Variants in HS6ST3 observed in about 807,000 individuals in gnomAD.
The protein encoded by HS6ST3 is heparan sulfate 6-O-sulfotransferase 3.
Under a neutral mutation model 36.7 loss-of-function variants are expected in HS6ST3, and 12 were observed. The ratio of observed to expected loss-of-function variants is 0.33; its 90% confidence interval spans 0.21 to 0.53. The LOEUF is 0.53. Ranked by LOEUF, HS6ST3 falls within the 20% of genes least tolerant of loss-of-function variation. The pLI, the probability that HS6ST3 is intolerant of heterozygous loss-of-function variation, is 0.95. For missense variants in HS6ST3, 584 were observed against 640.9 expected (o/e 0.91, Z 0.96); for synonymous variants, 240 against 257.5 (o/e 0.93, Z 0.65).
intron 1 of HS6ST3, among the ~76,000 whole-genome samples, chr13:96,344,832 A>C (rs931692885): frequency 8.5e-5 from 13 of 152,212 alleles, no homozygotes; most frequent in Non-Finnish European, 1.6e-4. Context: ...GAGGTATTAT[A>C]CGAATGCCTG....
At chr13:96,206,225 G>T (rs2054369697) in intron 1 of HS6ST3, among the ~76,000 whole-genome samples, 1 of 152,068 alleles carries the variant, frequency 6.6e-6, no homozygotes, top group Non-Finnish European at 1.5e-5. Flanking sequence ...ACCATGAAGA[G>T]AATAAAATAT....
intron 1 of HS6ST3, among the ~76,000 whole-genome samples, chr13:96,381,435 T>TATCTATCTATCTATCTATCTATCTATCA (rs2055341177): frequency 7.1e-6 from 1 of 141,110 alleles, no homozygotes; most frequent in Non-Finnish European, 1.5e-5. Flanking sequence ...TCTATCTATC[T>TATCTATCTATCTATCTATCTATCTATCA]ATCACTCATT....
intron 1 of HS6ST3, among the ~76,000 whole-genome samples, chr13:96,248,083 C>G (rs2054592315): frequency 1.3e-5 from 2 of 152,220 alleles, no homozygotes; most frequent in South Asian, 4.1e-4. Context: ...TTAAAGTATA[C>G]AGTGTCTTTC....
intron 1 of HS6ST3, among the ~76,000 whole-genome samples, chr13:96,327,049 T>G (rs61966922): frequency 0.24 from 26,749 of 111,922 alleles, 3,710 homozygotes; most frequent in Middle Eastern, 0.34. Flanking sequence ...TTGTAAATTT[T>G]TTTGAGTTCA....
chr13:96,268,434 A>G (rs976480544), intron 1 of HS6ST3, among the ~76,000 whole-genome samples: 1 of 151,878 alleles, frequency 6.6e-6, no homozygotes, highest in Non-Finnish European at 1.5e-5. Flanking sequence ...CTCACTCACT[A>G]TCATGAGAGC....
intron 1 of HS6ST3, among the ~76,000 whole-genome samples, chr13:96,162,184 G>C (rs972869798): frequency 1.3e-5 from 2 of 152,166 alleles, no homozygotes; most frequent in African/African-American, 4.8e-5. Flanking sequence ...ATATAAAAAT[G>C]TATTTTAAAA....
chr13:96,565,997 T>C (rs188514508), intron 1 of HS6ST3, among the ~76,000 whole-genome samples: 203 of 152,022 alleles, frequency 1.3e-3, no homozygotes, highest in African/African-American at 4.8e-3. Flanking sequence ...ATACATACAA[T>C]AAGTATTCTC....
At chr13:96,235,429 G>A (rs1199199359) in intron 1 of HS6ST3, among the ~76,000 whole-genome samples, 2 of 152,130 alleles carry the variant, frequency 1.3e-5, no homozygotes, top group East Asian at 1.9e-4. Flanking sequence ...TTATCAAAGC[G>A]GAATGCAGGC....
At chr13:96,187,983 T>A (rs1211363733) in intron 1 of HS6ST3, among the ~76,000 whole-genome samples, 1 of 152,208 alleles carries the variant, frequency 6.6e-6, no homozygotes, top group Non-Finnish European at 1.5e-5. Context: ...TCTAATCATG[T>A]CATTTGTAGA....
Position 96,091,103 on chromosome 13 carries a change from GGACC to G in HS6ST3, c.242_245del (p.Gly81ValfsTer50). On this transcript the variant is annotated frameshift_variant, in exon 1 of 2. Transcript: ENST00000376705. LOFTEE classifies it high-confidence loss of function. ...CCCGCCGCCCCGGGGGCCCCCCGAG[GGACC>G]TCGGGGGGCCGCGGCGCCGGAGGAG... is the stretch of plus-strand genomic sequence containing the variant. 7.3e-7 allele frequency: 1 copy of G among 1,361,838 alleles called. No individual in the cohort carries two copies. Among genetic ancestry groups the G allele is most frequent in the Admixed American group, 3.7e-5 (1 of 27,140 alleles). The allele number at this position is 1,361,838 out of a possible 1,614,324, so 84.4% of individuals were successfully genotyped here.
At chr13:96,393,465 C>G (rs1005182814) in intron 1 of HS6ST3, among the ~76,000 whole-genome samples, 2 of 152,082 alleles carry the variant, frequency 1.3e-5, no homozygotes, top group Non-Finnish European at 2.9e-5. Flanking sequence ...TAACCTGAAT[C>G]CTTTCTTAGT....
Position 96,461,426 on chromosome 13 carries a change from C to G in HS6ST3, c.707+369857C>G, listed in dbSNP as rs1221104324. 3.9e-5 allele frequency among the ~76,000 whole-genome samples: 6 copies of G among 152,288 alleles called. No homozygotes were observed. The East Asian group carries it at 9.6e-4, about 24-fold the overall frequency. On this transcript the variant is annotated intron_variant, in intron 1 of 1. Coordinates refer to ENST00000376705, the MANE Select transcript of HS6ST3 (RefSeq NM_153456.4). ...GAGCCTCTACTACATGCCAGAGACA[C>G]AGTGGTGAGCTGAGGTATACATGTC...
At chr13:96,255,197 T>A (rs1842507787) in intron 1 of HS6ST3, among the ~76,000 whole-genome samples, 1 of 152,166 alleles carries the variant, frequency 6.6e-6, no homozygotes, top group African/African-American at 2.4e-5. Context: ...ATCTTCTAAG[T>A]TAGGGCTGTG....
At chr13:96,712,678 C>CA (rs1875592021) in intron 1 of HS6ST3, among the ~76,000 whole-genome samples, 1 of 152,192 alleles carries the variant, frequency 6.6e-6, no homozygotes, top group Non-Finnish European at 1.5e-5. Context: ...AGGCAACTGT[C>CA]AGATGGCTTC....
intron 1 of HS6ST3, among the ~76,000 whole-genome samples, chr13:96,300,779 A>G (rs997467446): frequency 6.6e-6 from 1 of 152,190 alleles, no homozygotes; most frequent in Non-Finnish European, 1.5e-5. Flanking sequence ...TTGCAAATTA[A>G]AAAATTGATA....
chr13:96,342,084 CA>C lies in HS6ST3; in HGVS notation c.707+250525del, dbSNP rs558123032. Among the ~76,000 whole-genome samples the C allele has an allele frequency of 4.4e-3, 634 of 144,832 alleles. 6 individuals are homozygous for C. The highest frequency in any genetic ancestry group is 0.013 in the African/African-American group (495 of 39,588). ...ACTGAACCTCTTTTCTCCCCCTCCA[CA>C]AAAAAAAAAGTTCATTATTTTCATC... On this transcript the variant is annotated intron_variant, in intron 1 of 1. Coordinates refer to ENST00000376705, the MANE Select transcript of HS6ST3 (RefSeq NM_153456.4).
rs552209062 is a variant in HS6ST3, at chr13:96,255,320, T to C, written c.707+163751T>C. Among the ~76,000 whole-genome samples, 25 of 152,288 alleles carry C rather than the reference T, an allele frequency of 1.6e-4. No homozygotes were observed. In the South Asian group the frequency reaches 5.2e-3, roughly 32 times the overall value. ...AAGGATAGCAGTCATGTACAAAAGC[T>C]GAGTTTCAGGTTAATAGCAAGAAGT... On this transcript the variant is annotated intron_variant, in intron 1 of 1. Coordinates refer to ENST00000376705, the MANE Select transcript of HS6ST3 (RefSeq NM_153456.4).
At chr13:96,373,413 A>G (rs1160928342) in intron 1 of HS6ST3, among the ~76,000 whole-genome samples, 1 of 152,196 alleles carries the variant, frequency 6.6e-6, no homozygotes, top group Non-Finnish European at 1.5e-5. Context: ...GAATAGGACT[A>G]TATATGTATT....
At chr13:96,482,748 T>C (rs1045759394) in intron 1 of HS6ST3, among the ~76,000 whole-genome samples, 1 of 152,208 alleles carries the variant, frequency 6.6e-6, no homozygotes, top group East Asian at 1.9e-4. Flanking sequence ...GGTGCAAAAC[T>C]AAAAAGGCAG....
Sources: gnomAD v4.1 joint callset for allele counts (sites outside exome capture counted in the v4.1 genomes callset) on GRCh38, gnomAD v4.1.1 for gene constraint, MANE v1.5 for transcripts, NCBI Gene and HGNC (gene_info 2026-07-23, HGNC 2026-07-21) for gene names.